Variants in NALCN observed in about 807,000 individuals in gnomAD.
NALCN encodes sodium leak channel, non-selective, also known as sodium leak channel NALCN.
In NALCN, 111 loss-of-function variants were observed where a neutral mutation model predicts 225.3. That is an observed-to-expected ratio of 0.49 (90% confidence interval 0.42 to 0.58). The LOEUF is 0.58. Ranked by LOEUF, NALCN falls within the 20% of genes least tolerant of loss-of-function variation. NALCN has a pLI of 0.00. For synonymous variants in NALCN, 764 were observed against 769.0 expected (o/e 0.99, Z 0.11); for missense variants, 1,378 against 2,202.4 (o/e 0.63, Z 7.49).
chr13:101,144,981 G>A, intron 15 of NALCN, 85 bp from the exon 16 acceptor site: 4 of 1,400,380 alleles, frequency 2.9e-6, no homozygotes, highest in Non-Finnish European at 3.8e-6. Context: ...TAGAATGGAA[G>A]CAATAAGTAA....
intron 13 of NALCN, among the ~76,000 whole-genome samples, chr13:101,213,915 C>A (rs1293699887): frequency 5.9e-5 from 9 of 152,164 alleles, no homozygotes; most frequent in Non-Finnish European, 1.3e-4. Context: ...ACTAGAAATA[C>A]CATTTGACCC....
chr13:101,346,087 C>CTCTCTCTCTCTCTCTCTCTCTCTA, intron 6 of NALCN, among the ~76,000 whole-genome samples: 27 of 70,960 alleles, frequency 3.8e-4, no homozygotes, highest in East Asian at 8.4e-4. Flanking sequence ...CTCTCTCTCT[C>CTCTCTCTCTCTCTCTCTCTCTCTA]TATATATATA....
At chr13:101,226,048 A>G (rs552348065) in intron 13 of NALCN, among the ~76,000 whole-genome samples, 3 of 152,230 alleles carry the variant, frequency 2.0e-5, no homozygotes, top group Admixed American at 2.0e-4. Context: ...CTTCCTTTCT[A>G]TAACTGTAGG....
rs1333429795 is a variant in NALCN at position 101,055,261 on chromosome 13, C to T, written c.*34G>A. 13 of 1,568,226 alleles carry T rather than the reference C, an allele frequency of 8.3e-6. No individual in the cohort carries two copies. The highest frequency in any genetic ancestry group is 1.4e-5 in the African/African-American group (1 of 73,912). ...CAAGGACATTATTAGAAAACGGTTTCCACCACTAGAAATTCATCTACATTG... is the reference window on the plus strand; with the variant it reads ...CAAGGACATTATTAGAAAACGGTTTTCACCACTAGAAATTCATCTACATTG... On this transcript the variant is annotated 3_prime_UTR_variant, in exon 44 of 44. Transcript: ENST00000251127.
chr13:101,402,333 A>G (rs2047499288), intron 1 of NALCN, among the ~76,000 whole-genome samples: 1 of 152,216 alleles, frequency 6.6e-6, no homozygotes, highest in African/African-American at 2.4e-5. Context: ...TTTTACTCAG[A>G]AACAGCTTAT....
At chr13:101,160,849 C>A (rs1248438752) in intron 15 of NALCN, among the ~76,000 whole-genome samples, 1 of 152,160 alleles carries the variant, frequency 6.6e-6, no homozygotes, top group Admixed American at 6.5e-5. Context: ...TATTGATTAG[C>A]TGGATCGACC....
At chr13:101,227,572 T>C (rs73560741) in intron 13 of NALCN, among the ~76,000 whole-genome samples, 6,497 of 152,164 alleles carry the variant, frequency 0.043, 444 homozygotes, top group African/African-American at 0.15. Context: ...GTGTGCTAAG[T>C]AAAAATGCTA....
intron 7 of NALCN, among the ~76,000 whole-genome samples, chr13:101,301,248 C>T (rs1566550056): frequency 1.3e-5 from 2 of 152,288 alleles, no homozygotes; most frequent in East Asian, 3.9e-4. Flanking sequence ...AGTCCACACG[C>T]CAACTACAGC....
chr13:101,071,522 C>T (rs1177856669), intron 37 of NALCN, among the ~76,000 whole-genome samples: 1 of 152,174 alleles, frequency 6.6e-6, no homozygotes, highest in East Asian at 1.9e-4. Flanking sequence ...CCTTTGCTAG[C>T]GTCAAACATT....
At chr13:101,156,620 A>G (rs1293844770) in intron 15 of NALCN, among the ~76,000 whole-genome samples, 1 of 152,148 alleles carries the variant, frequency 6.6e-6, no homozygotes, top group African/African-American at 2.4e-5. Flanking sequence ...CTAGCCCCAC[A>G]GGTTCTCCTG....
chr13:101,341,282 T>A (rs2045551468), intron 7 of NALCN, among the ~76,000 whole-genome samples: 1 of 152,196 alleles, frequency 6.6e-6, no homozygotes, highest in Non-Finnish European at 1.5e-5. Flanking sequence ...TGTTCCTGCC[T>A]CTTCAAAAAT....
intron 15 of NALCN, among the ~76,000 whole-genome samples, chr13:101,171,961 T>C (rs1262239030): frequency 1.3e-5 from 2 of 152,188 alleles, no homozygotes; most frequent in Non-Finnish European, 2.9e-5. Context: ...ACTTAGAATT[T>C]TCAGGTTTCC....
intron 1 of NALCN, among the ~76,000 whole-genome samples, chr13:101,401,475 T>C (rs2047477810): frequency 6.6e-6 from 1 of 152,176 alleles, no homozygotes; most frequent in Admixed American, 6.5e-5. Context: ...AAAGATTATA[T>C]AAGGAATTTT....
At chr13:101,372,041 C>T (rs10508062) in intron 6 of NALCN, among the ~76,000 whole-genome samples, 32,639 of 152,094 alleles carry the variant, frequency 0.21, 3,650 homozygotes, top group Non-Finnish European at 0.24. Flanking sequence ...GTTATGATTA[C>T]TGAAAAATTT....
intron 11 of NALCN, among the ~76,000 whole-genome samples, chr13:101,257,704 AT>A (rs1414577969): frequency 6.6e-6 from 1 of 152,156 alleles, no homozygotes; most frequent in Non-Finnish European, 1.5e-5. Context: ...TTGTCAATCA[AT>A]TTTTTTGTAA....
chr13:101,209,191 A>T (rs1303526530), intron 13 of NALCN, among the ~76,000 whole-genome samples: 3 of 152,068 alleles, frequency 2.0e-5, no homozygotes, highest in Non-Finnish European at 4.4e-5. Flanking sequence ...ATACCCATCC[A>T]TCTCTCCATT....
intron 11 of NALCN, among the ~76,000 whole-genome samples, chr13:101,247,737 C>T (rs2041941411): frequency 6.6e-6 from 1 of 152,052 alleles, no homozygotes; most frequent in Admixed American, 6.5e-5. Context: ...CGGTTTGCTG[C>T]ACCTATAAAC....
At chr13:101,090,015 C>G in intron 28 of NALCN, 49 bp from the exon 29 acceptor site, 5 of 1,610,914 alleles carry the variant, frequency 3.1e-6, no homozygotes, top group Non-Finnish European at 4.2e-6. Context: ...TAAGCAGCAC[C>G]CGAAGGCAAA....
At position 101,124,645 on chromosome 13, in the gene NALCN, G is replaced by T. The variant is rs369811330; in HGVS notation, c.2155C>A (p.Leu719Ile). Residue 719 changes from leucine (L) to isoleucine (I), a missense_variant, in exon 18 of 44, where the codon CTT becomes ATT. Coordinates refer to ENST00000251127, the MANE Select transcript of NALCN (RefSeq NM_052867.4). ...KSVFSIRARN[L>I]LEKETAVTKI... Reference sequence around the variant, plus strand: ...GTGACTGCGGTCTCCTTTTCCAGAAGGTTCCTTGCCCTGATGCTGAAAACA... The same window carrying T: ...GTGACTGCGGTCTCCTTTTCCAGAATGTTCCTTGCCCTGATGCTGAAAACA... The T allele has an allele frequency of 3.1e-6, 5 of 1,613,890 alleles. No homozygotes were observed. In the African/African-American group the frequency reaches 5.3e-5, roughly 17 times the overall value.
Sources: allele counts gnomAD v4.1 joint callset (sites outside exome capture counted in the v4.1 genomes callset), GRCh38; gene constraint gnomAD v4.1.1; transcripts MANE v1.5; gene names NCBI Gene and HGNC (gene_info 2026-07-23, HGNC 2026-07-21).